Variants in MAGEF1 observed in about 807,000 individuals in gnomAD.
MAGEF1 encodes MAGE family member F1.
For synonymous variants in MAGEF1, 150 were observed against 163.6 expected (o/e 0.92, Z 0.63); for missense variants, 418 against 399.5 (o/e 1.05, Z -0.39).
chr3:184,712,064 C>T lies in MAGEF1; in HGVS notation c.-243G>A, dbSNP rs530398738. 1.6e-5 allele frequency: 9 copies of T among 572,818 alleles called. No individual in the cohort carries two copies. Among genetic ancestry groups the T allele is most frequent in the Non-Finnish European group, 2.4e-5 (9 of 373,076 alleles). 35.5% of individuals were successfully genotyped at this position (572,818 alleles called of 1,614,324 possible). A position where few individuals can be genotyped will look rare whatever the true frequency, so the allele number is the denominator to read the frequency against. Reference sequence around the variant, plus strand: ...CCGCGCCCGCGCGAGGGGCCACTTCCGGCCACCTCAGCCAGGACGGCGACC... The same window carrying T: ...CCGCGCCCGCGCGAGGGGCCACTTCTGGCCACCTCAGCCAGGACGGCGACC... On this transcript the variant is annotated 5_prime_UTR_variant, in exon 1 of 1. Transcript: ENST00000317897.
At position 184,711,732 on chromosome 3, in the gene MAGEF1, C is replaced by A; in HGVS notation, c.90G>T (p.Pro30=). ...CCTTGGGGCGCTCCTGCGAGGCGGT[C>A]GGGGCCCGGGTCTCACCATCATGGC... The part of the protein sequence containing the change: ...DGGHDGETRA[P]TASQERPKEE... Residue 30 remains proline, a synonymous_variant, in exon 1 of 1, where the codon CCG becomes CCT. Transcript: ENST00000317897. 1 of 1,533,466 alleles carries A rather than the reference C, an allele frequency of 6.5e-7. No homozygotes were observed. The highest frequency in any genetic ancestry group is 2.3e-5 in the East Asian group (1 of 44,306). 95.0% of individuals were successfully genotyped at this position (1,533,466 alleles called of 1,614,324 possible).
Position 184,711,200 on chromosome 3 carries a change from CAAAGAGGAAATGATACTT to C in MAGEF1, c.604_621del (p.Lys202_Phe207del). On this transcript the variant is annotated inframe_deletion, in exon 1 of 1. Transcript: ENST00000317897. ...TCCATAATAAGCCTCTTCGGATACC[CAAAGAGGAAATGATACTT>C]TGAGGGTTGCACCCCCAACCGACGC... 6.2e-7 allele frequency: 1 copy of C among 1,614,174 alleles called. No homozygotes were observed. Among genetic ancestry groups the C allele is most frequent in the Non-Finnish European group, 8.5e-7 (1 of 1,180,032 alleles).
chr3:184,710,788 A>G lies in MAGEF1; in HGVS notation c.*110T>C. 1 of 1,378,308 alleles carries G rather than the reference A, an allele frequency of 7.3e-7. No individual in the cohort carries two copies. The highest frequency in any genetic ancestry group is 9.5e-7 in the Non-Finnish European group (1 of 1,055,610). The allele number at this position is 1,378,308 out of a possible 1,614,324, so 85.4% of individuals were successfully genotyped here. On this transcript the variant is annotated 3_prime_UTR_variant, in exon 1 of 1. Coordinates refer to ENST00000317897, the MANE Select transcript of MAGEF1 (RefSeq NM_022149.5). The stretch of plus-strand genomic sequence containing the variant: ...ATAAGATACAAAATCTAAATCCTTA[A>G]AGTCACACGATTTCTACAGAAATAA...
At position 184,711,597 on chromosome 3, in the gene MAGEF1, C is replaced by T. The variant is rs1035443170; in HGVS notation, c.225G>A (p.Arg75=). ...KALARRRAYR[R]LNRTVAELVQ... ...CCAACTCCGCCACCGTCCGATTCAG[C>T]CGGCGGTAGGCCCTGCGCCTTGCCA... Residue 75 remains arginine, a synonymous_variant, in exon 1 of 1, where the codon CGG becomes CGA. Transcript: ENST00000317897. 1.9e-6 allele frequency: 3 copies of T among 1,613,470 alleles called. No homozygotes were observed. The highest frequency in any genetic ancestry group is 2.5e-6 in the Non-Finnish European group (3 of 1,180,042).
chr3:184,711,867 G>A lies in MAGEF1; in HGVS notation c.-46C>T, dbSNP rs1201214855. 55 of 1,442,492 alleles carry A rather than the reference G, an allele frequency of 3.8e-5. No homozygotes were observed. The highest frequency in any genetic ancestry group is 4.6e-5 in the Non-Finnish European group (50 of 1,097,396). The allele number at this position is 1,442,492 out of a possible 1,614,324, so 89.4% of individuals were successfully genotyped here. A position where few individuals can be genotyped will look rare whatever the true frequency, so the allele number is the denominator to read the frequency against. On this transcript the variant is annotated 5_prime_UTR_variant, in exon 1 of 1. Coordinates refer to ENST00000317897, the MANE Select transcript of MAGEF1 (RefSeq NM_022149.5). Reference sequence around the variant, plus strand: ...AGAGCGCGTACACGGGCCGAGGGGTGTGGGAGCCGCCGCGCAAGCCCCGGG... The same window carrying A: ...AGAGCGCGTACACGGGCCGAGGGGTATGGGAGCCGCCGCGCAAGCCCCGGG...
rs895320516 is a variant in MAGEF1 at position 184,711,085 on chromosome 3, T to C, written c.737A>G (p.Asn246Ser). 1.2e-6 allele frequency: 2 copies of C among 1,614,232 alleles called. No homozygotes were observed. The highest frequency in any genetic ancestry group is 1.7e-6 in the Non-Finnish European group (2 of 1,180,032). The change falls in exon 1 of 1, where the codon AAC becomes AGC. Residue 246 changes from asparagine to serine, a missense_variant. Transcript: ENST00000317897. ...GACTTCCATCTTGCTGATTTCCAGG[T>C]TGCTTCGGGGACCCCAAGAGAATTC... Reference protein sequence around the residue: ...EYEFSWGPRSNLEISKMEVLG... With the variant: ...EYEFSWGPRSSLEISKMEVLG...
chr3:184,711,548 T>A, the MAGEF1 span: 1 of 1,614,218 alleles, frequency 6.2e-7, no homozygotes, highest in Non-Finnish European at 8.5e-7. Context: ...CTCTTCTTCT[T>A]GTCTTTCACC....
In MAGEF1 at chr3:184,711,293, T is replaced by C. The variant is rs981484068; in HGVS notation, c.529A>G (p.Ile177Val). The change falls in exon 1 of 1, where the codon ATC becomes GTC. Residue 177 changes from isoleucine to valine, a missense_variant. Ile to Val is a conservative substitution (Grantham distance 29). Transcript: ENST00000317897. ...CTGGCGCTATTACCTCTCATATAGA[T>C]AAGGCCCAGGATCATCATTAACAGA... ...LGLLMMILGL[I>V]YMRGNSAREA... is the part of the protein sequence containing the mutation. 6.8e-6 allele frequency: 11 copies of C among 1,614,100 alleles called. No individual in the cohort carries two copies. The highest frequency in any genetic ancestry group is 9.3e-6 in the Non-Finnish European group (11 of 1,180,026).
chr3:184,711,951 T>C lies in MAGEF1; in HGVS notation c.-130A>G. 7.4e-7 allele frequency: 1 copy of C among 1,351,314 alleles called. No homozygotes were observed. Among genetic ancestry groups the C allele is most frequent in the South Asian group, 2.2e-5 (1 of 45,688 alleles). The allele number at this position is 1,351,314 out of a possible 1,614,324, so 83.7% of individuals were successfully genotyped here. A position where few individuals can be genotyped will look rare whatever the true frequency, so the allele number is the denominator to read the frequency against. Reference sequence around the variant, plus strand: ...TACAAGGAGCAATGGCAGCGGGAGCTTTGTGGCTGCTGGGCCGCACCGCAC... The same window carrying C: ...TACAAGGAGCAATGGCAGCGGGAGCCTTGTGGCTGCTGGGCCGCACCGCAC... On this transcript the variant is annotated 5_prime_UTR_variant, in exon 1 of 1. Coordinates refer to ENST00000317897, the MANE Select transcript of MAGEF1 (RefSeq NM_022149.5).
At chr3:184,711,394 TA>T in the MAGEF1 span, 1 of 1,614,136 alleles carries the variant, frequency 6.2e-7, no homozygotes. Context: ...GATCAGGATG[TA>T]AGTGTGGTGC....
rs34995413 is a variant in MAGEF1 at position 184,711,345 on chromosome 3, A to ATCCTCC, written c.471_476dup (p.Glu157_Glu158dup). On this transcript the variant is annotated inframe_insertion, in exon 1 of 1. Coordinates refer to ENST00000317897, the MANE Select transcript of MAGEF1 (RefSeq NM_022149.5). ...CCAATCTGGGGCCATCTCCTCCCAG[A>ATCCTCC]TCCTCCTCCTCCTCCTCCTCCAGAG... The ATCCTCC allele has an allele frequency of 2.3e-3, 3,544 of 1,567,536 alleles. 36 individuals carry two copies. In the African/African-American group the frequency reaches 0.03, roughly 13 times the overall value.
In MAGEF1 at chr3:184,711,173, C is replaced by A. The variant is rs199859036; in HGVS notation, c.649G>T (p.Asp217Tyr). 37 of 1,614,218 alleles carry A rather than the reference C, an allele frequency of 2.3e-5. No homozygotes were observed. In the East Asian group the frequency reaches 7.1e-4, roughly 31 times the overall value. Residue 217 changes from aspartate (D) to tyrosine (Y), a missense_variant, in exon 1 of 1, where the codon GAT (aspartate) becomes TAT (tyrosine). By Grantham distance (160) the Asp-to-Tyr change is radical. Coordinates refer to ENST00000317897, the MANE Select transcript of MAGEF1 (RefSeq NM_022149.5). ...CTGAGATATCGCTGCTGCACAAAAT[C>A]TTCCATAATAAGCCTCTTCGGATAC... The part of the protein sequence containing the change: ...FGYPKRLIME[D>Y]FVQQRYLSYR...
Position 184,711,495 on chromosome 3 carries a change from G to C in MAGEF1, c.327C>G (p.Asp109Glu). 11 of 1,614,246 alleles carry C rather than the reference G, an allele frequency of 6.8e-6. No individual in the cohort carries two copies. The highest frequency in any genetic ancestry group is 9.3e-6 in the Non-Finnish European group (11 of 1,180,048). Residue 109 changes from aspartate (D) to glutamate (E), a missense_variant, in exon 1 of 1, where the codon GAC becomes GAG. Coordinates refer to ENST00000317897, the MANE Select transcript of MAGEF1 (RefSeq NM_022149.5). ...TGATGTCCGGGAACAGAATCTTCAA[G>C]TCTCCAATAACGTATTTCACCATCT... is the stretch of plus-strand genomic sequence containing the variant. ...RSEMVKYVIGDLKILFPDIIA... is the reference protein window; with the variant it reads ...RSEMVKYVIGELKILFPDIIA...
chr3:184,711,305 T>C lies in MAGEF1; in HGVS notation c.517A>G (p.Ile173Val). 4 of 1,613,872 alleles carry C rather than the reference T, an allele frequency of 2.5e-6. No individual in the cohort carries two copies. Among genetic ancestry groups the C allele is most frequent in the Non-Finnish European group, 3.4e-6 (4 of 1,179,948 alleles). ...DGPRLGLLMM[I>V]LGLIYMRGNS... ...CCTCTCATATAGATAAGGCCCAGGA[T>C]CATCATTAACAGACCCAATCTGGGG... The change falls in exon 1 of 1, where the codon ATC becomes GTC. Residue 173 changes from isoleucine (I) to valine (V), a missense_variant. Ile to Val is a conservative substitution (Grantham distance 29). Transcript: ENST00000317897.
In MAGEF1 at chr3:184,710,861, C is replaced by T. The variant is rs1315109101; in HGVS notation, c.*37G>A. On this transcript the variant is annotated 3_prime_UTR_variant, in exon 1 of 1. Transcript: ENST00000317897. ...CTTATGACTCAGGACAGTAGTTCGTCCTCACGGGGACCCACTGGCCAACTT... is the reference window on the plus strand; with the variant it reads ...CTTATGACTCAGGACAGTAGTTCGTTCTCACGGGGACCCACTGGCCAACTT... 5.2e-6 allele frequency: 8 copies of T among 1,524,520 alleles called. No homozygotes were observed. In the African/African-American group the frequency reaches 5.5e-5, roughly 11 times the overall value. 94.4% of individuals were successfully genotyped at this position (1,524,520 alleles called of 1,614,324 possible).
At position 184,711,076 on chromosome 3, in the gene MAGEF1, A is replaced by T; in HGVS notation, c.746T>A (p.Ile249Asn). The T allele has an allele frequency of 6.2e-7, 1 of 1,614,086 alleles. No individual in the cohort carries two copies. The highest frequency in any genetic ancestry group is 8.5e-7 in the Non-Finnish European group (1 of 1,180,032). Residue 249 changes from isoleucine (I) to asparagine (N), a missense_variant, in exon 1 of 1, where the codon ATC becomes AAC. Coordinates refer to ENST00000317897, the MANE Select transcript of MAGEF1 (RefSeq NM_022149.5). ...FSWGPRSNLE[I>N]SKMEVLGFVA... The stretch of plus-strand genomic sequence containing the variant: ...GAACCCCAGGACTTCCATCTTGCTG[A>T]TTTCCAGGTTGCTTCGGGGACCCCA...
rs1329624367 is a variant in MAGEF1 at position 184,710,714 on chromosome 3, T to C, written c.*184A>G. ...AATCCTACAGGAAAAAGTAGACCAATCTCATTTACAAACAGCATTTTAACA... is the reference window on the plus strand; with the variant it reads ...AATCCTACAGGAAAAAGTAGACCAACCTCATTTACAAACAGCATTTTAACA... On this transcript the variant is annotated 3_prime_UTR_variant, in exon 1 of 1. Transcript: ENST00000317897. 9.3e-6 allele frequency: 9 copies of C among 972,300 alleles called. No individual in the cohort carries two copies. The highest frequency in any genetic ancestry group is 1.3e-5 in the Non-Finnish European group (9 of 716,922). 60.2% of individuals were successfully genotyped at this position (972,300 alleles called of 1,614,324 possible).
rs1039655885 is a variant in MAGEF1 at position 184,711,953 on chromosome 3, T to C, written c.-132A>G. On this transcript the variant is annotated 5_prime_UTR_variant, in exon 1 of 1. Coordinates refer to ENST00000317897, the MANE Select transcript of MAGEF1 (RefSeq NM_022149.5). ...CAAGGAGCAATGGCAGCGGGAGCTT[T>C]GTGGCTGCTGGGCCGCACCGCACGG... 3.0e-6 allele frequency: 4 copies of C among 1,349,608 alleles called. No homozygotes were observed. Among genetic ancestry groups the C allele is most frequent in the Admixed American group, 3.5e-5 (1 of 28,386 alleles). 83.6% of individuals were successfully genotyped at this position (1,349,608 alleles called of 1,614,324 possible).
chr3:184,711,544 T>G lies in MAGEF1; in HGVS notation c.278A>C (p.Lys93Thr). The stretch of plus-strand genomic sequence containing the variant: ...CTCCGAGCGTGTGATGGGACTCTTC[T>G]TCTTGTCTTTCACCAGGAGGAACTG... ...LVQFLLVKDK[K>T]KSPITRSEMV... The change falls in exon 1 of 1, where the codon AAG (lysine) becomes ACG (threonine). Residue 93 changes from lysine to threonine, a missense_variant. By Grantham distance (78) the Lys-to-Thr change is moderately conservative. Transcript: ENST00000317897. 1 of 1,614,224 alleles carries G rather than the reference T, an allele frequency of 6.2e-7. No individual in the cohort carries two copies. The highest frequency in any genetic ancestry group is 8.5e-7 in the Non-Finnish European group (1 of 1,180,042).
Sources: gnomAD v4.1 joint callset for allele counts on GRCh38, gnomAD v4.1.1 for gene constraint, MANE v1.5 for transcripts, NCBI Gene and HGNC (gene_info 2026-07-23, HGNC 2026-07-21) for gene names.